HSDL2: variants seen among roughly 807,000 people sequenced by gnomAD.
HSDL2 encodes the protein hydroxysteroid dehydrogenase-like protein 2.
Under a neutral mutation model 46.3 loss-of-function variants are expected in HSDL2, and 27 were observed. The ratio of observed to expected loss-of-function variants is 0.58; its 90% CI spans 0.43 to 0.80. The LOEUF is 0.80. Among genes scored for constraint, HSDL2 ranks in the 30% least tolerant of loss-of-function variants. HSDL2 has a pLI of 0.00. For synonymous variants in HSDL2, 153 were observed against 163.6 expected, an observed-to-expected ratio of 0.94 and a Z score of 0.50; for missense variants, 451 against 502.7, an observed-to-expected ratio of 0.90 and a Z score of 0.98.
At chr9:112,381,606 G>T (rs1457310328) in intron 1 of HSDL2, among the ~76,000 whole-genome samples, 1 of 151,908 alleles carries the variant, frequency 6.6e-6, no homozygotes, top group African/African-American at 2.4e-5. Context: ...CGTCTGCCTC[G>T]GCCTCCCAAA....
At chr9:112,384,403 A>G (rs1159168755) in intron 1 of HSDL2, among the ~76,000 whole-genome samples, 1 of 152,138 alleles carries the variant, frequency 6.6e-6, no homozygotes, top group Non-Finnish European at 1.5e-5. Context: ...TTTTTCTGCC[A>G]ATGCCAGAGA....
intron 1 of HSDL2, among the ~76,000 whole-genome samples, chr9:112,385,665 T>TG (rs1177224186): frequency 6.6e-6 from 1 of 152,046 alleles, no homozygotes; most frequent in African/African-American, 2.4e-5. Context: ...TTTTTTTTTT[T>TG]TGTATTTTTA....
At chr9:112,452,498 G>A (rs1704996802) in intron 8 of HSDL2, among the ~76,000 whole-genome samples, 2 of 152,080 alleles carry the variant, frequency 1.3e-5, no homozygotes, top group Admixed American at 1.3e-4. Flanking sequence ...TGCAATCCCA[G>A]CACTTTGGGA....
chr9:112,427,206 C>T (rs990334531), intron 6 of HSDL2, among the ~76,000 whole-genome samples: 7 of 152,124 alleles, frequency 4.6e-5, no homozygotes, highest in Non-Finnish European at 8.8e-5. Flanking sequence ...AGGCGCCCAC[C>T]GCTGTGCCCG....
At chr9:112,443,836 ACATTC>A (rs780924327) in intron 8 of HSDL2, among the ~76,000 whole-genome samples, 31 of 152,268 alleles carry the variant, frequency 2.0e-4, no homozygotes, top group Non-Finnish European at 3.7e-4. Context: ...CTTGATCAGC[ACATTC>A]TCTTCCTTTG....
At chr9:112,444,682 G>A (rs1324472014) in intron 8 of HSDL2, among the ~76,000 whole-genome samples, 1 of 151,486 alleles carries the variant, frequency 6.6e-6, no homozygotes, top group African/African-American at 2.4e-5. Flanking sequence ...AGGTTGTAAT[G>A]AGCTATGATC....
chr9:112,469,666 CAAA>C (rs398046829), intron 10 of HSDL2: 5 of 52,590 alleles, frequency 9.5e-5, no homozygotes, highest in East Asian at 4.8e-4. Context: ...GACCTTGTCT[CAAA>C]AAAAAAAAAA....
At chr9:112,431,869 T>G in intron 6 of HSDL2, among the ~76,000 whole-genome samples, 1 of 118,696 alleles carries the variant, frequency 8.4e-6, no homozygotes, top group Non-Finnish European at 1.6e-5. Flanking sequence ...CTCAGGTATT[T>G]CTTTCTTTTT....
chr9:112,461,299 G>A (rs1587970535), intron 10 of HSDL2, among the ~76,000 whole-genome samples: 1 of 152,094 alleles, frequency 6.6e-6, no homozygotes, highest in Non-Finnish European at 1.5e-5. Flanking sequence ...GGCTGGTCTC[G>A]AATTGCTGAC....
intron 1 of HSDL2, among the ~76,000 whole-genome samples, chr9:112,384,042 A>C (rs1831168272): frequency 6.6e-6 from 1 of 152,228 alleles, no homozygotes; most frequent in Non-Finnish European, 1.5e-5. Flanking sequence ...ATGTTTTAAT[A>C]TGTGGGAAAG....
At chr9:112,389,390 T>G (rs1339533602) in intron 1 of HSDL2, among the ~76,000 whole-genome samples, 2 of 152,102 alleles carry the variant, frequency 1.3e-5, no homozygotes, top group South Asian at 4.1e-4. Context: ...GGAGAGAAAA[T>G]GAGCACAAAT....
intron 8 of HSDL2, among the ~76,000 whole-genome samples, chr9:112,442,511 T>A (rs1832662312): frequency 6.6e-6 from 1 of 152,102 alleles, no homozygotes; most frequent in South Asian, 2.1e-4. Flanking sequence ...TCAAAGGAGG[T>A]TTGGGTTTTA....
intron 2 of HSDL2, among the ~76,000 whole-genome samples, chr9:112,405,141 C>G (rs1163060851): frequency 6.6e-6 from 1 of 152,176 alleles, no homozygotes. Context: ...CACTTGAGGT[C>G]AGGAGTGCGA....
At chr9:112,414,425 G>A (rs1200698523) in intron 4 of HSDL2, among the ~76,000 whole-genome samples, 13 of 152,132 alleles carry the variant, frequency 8.5e-5, no homozygotes, top group Admixed American at 3.3e-4. Flanking sequence ...TTCAGTAAAC[G>A]TAACTATTTT....
chr9:112,410,703 G>A (rs1831842105), intron 4 of HSDL2, among the ~76,000 whole-genome samples: 1 of 152,132 alleles, frequency 6.6e-6, no homozygotes, highest in South Asian at 2.1e-4. Flanking sequence ...GAGCCAGGCG[G>A]GTCACTTGAG....
intron 8 of HSDL2, among the ~76,000 whole-genome samples, chr9:112,446,052 G>C (rs1270163459): frequency 6.6e-6 from 1 of 151,982 alleles, no homozygotes. Context: ...TTAGATATTT[G>C]CTCTTCAGAA....
At chr9:112,451,959 G>A (rs770340902) in intron 8 of HSDL2, among the ~76,000 whole-genome samples, 2 of 152,234 alleles carry the variant, frequency 1.3e-5, no homozygotes, top group South Asian at 2.1e-4. Context: ...TCTGATCACT[G>A]TTTCTGAATG....
intron 10 of HSDL2, among the ~76,000 whole-genome samples, chr9:112,462,649 A>AT (rs1833247789): frequency 6.6e-6 from 1 of 151,300 alleles, no homozygotes; most frequent in East Asian, 1.9e-4. Flanking sequence ...TGTATAAAAC[A>AT]TTGAGCTTAC....
chr9:112,439,560 A>G (rs1291937033), intron 7 of HSDL2, among the ~76,000 whole-genome samples: 1 of 152,210 alleles, frequency 6.6e-6, no homozygotes, highest in African/African-American at 2.4e-5. Flanking sequence ...ATAGCCATAC[A>G]TAGGAGTTAT....
Sources: allele counts gnomAD v4.1 joint callset (sites outside exome capture counted in the v4.1 genomes callset), GRCh38; gene constraint gnomAD v4.1.1; transcripts MANE v1.5; gene names NCBI Gene and HGNC (gene_info 2026-07-23, HGNC 2026-07-21).